The following CNTN6 variants were observed in gnomAD, a reference collection of about 807,000 sequenced individuals.
CNTN6 encodes contactin 6.
In CNTN6, 137 loss-of-function variants were observed where a neutral mutation model predicts 122.8. The observed-to-expected ratio is 1.12, with a 90% CI of 0.97 to 1.29. CNTN6 has a LOEUF of 1.29. Ranked by LOEUF, CNTN6 falls within the 50% of genes most tolerant of loss-of-function variation. The pLI is 0.00. For synonymous variants in CNTN6, 570 were observed against 426.0 expected, an observed-to-expected ratio of 1.34 and a Z score of -4.16; for missense variants, 1,634 against 1,223.4, an observed-to-expected ratio of 1.34 and a Z score of -5.01.
intron 6 of CNTN6, among the ~76,000 whole-genome samples, chr3:1,296,669 G>A (rs897248112): frequency 3.3e-5 from 5 of 152,074 alleles, no homozygotes; most frequent in African/African-American, 1.2e-4. Flanking sequence ...CATAGAAGGA[G>A]TTCTTATAAT....
chr3:1,095,157 T>C (rs2090454703), intron 1 of CNTN6, among the ~76,000 whole-genome samples: 1 of 144,654 alleles, frequency 6.9e-6, no homozygotes, highest in Non-Finnish European at 1.5e-5. Flanking sequence ...AAGAATGAGA[T>C]CTTATCCTAC....
intron 4 of CNTN6, among the ~76,000 whole-genome samples, chr3:1,257,608 A>T (rs1285356963): frequency 1.3e-5 from 2 of 152,106 alleles, no homozygotes; most frequent in Non-Finnish European, 2.9e-5. Context: ...GACAGAGCCC[A>T]TTTTCTACTT....
chr3:1,293,481 G>T (rs1695676544), intron 5 of CNTN6, among the ~76,000 whole-genome samples: 1 of 152,122 alleles, frequency 6.6e-6, no homozygotes, highest in African/African-American at 2.4e-5. Context: ...GGTTAGTGAA[G>T]AATGTTTCAG....
intron 1 of CNTN6, among the ~76,000 whole-genome samples, chr3:1,134,050 A>G (rs1195780434): frequency 2.6e-5 from 4 of 152,134 alleles, no homozygotes; most frequent in Non-Finnish European, 5.9e-5. Context: ...GTAGCTAACA[A>G]TAATACTGTG....
chr3:1,353,225 C>G (rs963467338), intron 12 of CNTN6, among the ~76,000 whole-genome samples: 2 of 151,698 alleles, frequency 1.3e-5, no homozygotes, highest in Non-Finnish European at 3.0e-5. Context: ...AAATGGCTCT[C>G]TTGATAAAGC....
At chr3:1,334,618 G>A (rs1314676396) in intron 11 of CNTN6, among the ~76,000 whole-genome samples, 8 of 151,908 alleles carry the variant, frequency 5.3e-5, no homozygotes, top group South Asian at 2.1e-4. Context: ...AGCCAAACAC[G>A]GCAATTGCTG....
At chr3:1,308,306 TG>T (rs1411843537) in intron 7 of CNTN6, among the ~76,000 whole-genome samples, 1 of 151,620 alleles carries the variant, frequency 6.6e-6, no homozygotes, top group Non-Finnish European at 1.5e-5. Flanking sequence ...TGTGTGTGTG[TG>T]TGTGTGTGTG....
At chr3:1,241,903 G>A (rs2094490718) in intron 4 of CNTN6, among the ~76,000 whole-genome samples, 2 of 152,202 alleles carry the variant, frequency 1.3e-5, no homozygotes, top group South Asian at 2.1e-4. Context: ...ACGCAGACAT[G>A]AGGGCTAGGC....
intron 12 of CNTN6, among the ~76,000 whole-genome samples, chr3:1,360,580 A>G (rs765736978): frequency 1.3e-5 from 2 of 151,844 alleles, no homozygotes; most frequent in South Asian, 4.1e-4. Flanking sequence ...TATATATTCT[A>G]TATACATGTA....
chr3:1,195,877 A>G (rs1001588526), intron 2 of CNTN6, among the ~76,000 whole-genome samples: 8 of 152,126 alleles, frequency 5.3e-5, no homozygotes, highest in African/African-American at 1.9e-4. Flanking sequence ...CCTGTACCAG[A>G]TATCTCTGCA....
chr3:1,129,632 C>A (rs1367606902), intron 1 of CNTN6, among the ~76,000 whole-genome samples: 1 of 152,030 alleles, frequency 6.6e-6, no homozygotes, highest in Non-Finnish European at 1.5e-5. Context: ...TTCTAATATG[C>A]AAAGTGCTAT....
rs1575544761 is a variant in CNTN6 at position 1,282,263 on chromosome 3, C to A, written c.454+3755C>A. 5.1e-5 allele frequency among the ~76,000 whole-genome samples: 7 copies of A among 136,010 alleles called. 1 individual carries two copies. In the Admixed American group the frequency reaches 5.5e-4, roughly 11 times the overall value. The allele number at this position is 136,010 out of a possible 152,430, so 89.2% of individuals were successfully genotyped here. A position where few individuals can be genotyped will look rare whatever the true frequency, so the allele number is the denominator to read the frequency against. On this transcript the variant is annotated intron_variant, in intron 5 of 22. Transcript: ENST00000446702. ...CTCCAGCATAGGCCTTCTGTGGATG[C>A]TTTCCACCCAGTTTTGAAGCACAGA...
chr3:1,382,907 G>T (rs1472520533), intron 17 of CNTN6, 35 bp from the exon 18 acceptor site: 1 of 1,380,506 alleles, frequency 7.2e-7, no homozygotes, highest in Admixed American at 1.8e-5. Context: ...AAATATTTTT[G>T]CAAATACTCA....
chr3:1,257,176 A>G (rs570090175), intron 4 of CNTN6, among the ~76,000 whole-genome samples: 1 of 152,210 alleles, frequency 6.6e-6, no homozygotes, highest in South Asian at 2.1e-4. Context: ...TTATTTTGTA[A>G]ATTTCCTAAA....
chr3:1,261,216 G>T (rs2094841068), intron 4 of CNTN6, among the ~76,000 whole-genome samples: 1 of 152,084 alleles, frequency 6.6e-6, no homozygotes, highest in South Asian at 2.1e-4. Context: ...AATCTCTTTG[G>T]CTTTCTGTGA....
rs551454397 is a variant in CNTN6, at chr3:1,126,485, T to G, written c.-82-21442T>G. On this transcript the variant is annotated intron_variant, in intron 1 of 22. Transcript: ENST00000446702. ...CCAATCTCATTATACCCCAGGTCAC[T>G]GTCTTATTATCACATTTATTCCCCT... 8.6e-5 allele frequency among the ~76,000 whole-genome samples: 13 copies of G among 151,924 alleles called. No individual in the cohort carries two copies. The South Asian group carries it at 2.5e-3, about 29-fold the overall frequency.
At chr3:1,276,958 G>A (rs1692483302) in intron 4 of CNTN6, among the ~76,000 whole-genome samples, 1 of 152,186 alleles carries the variant, frequency 6.6e-6, no homozygotes, top group South Asian at 2.1e-4. Context: ...TGGCAATTTA[G>A]GTGGGTGTGG....
rs1273281016 is a variant in CNTN6 at position 1,135,213 on chromosome 3, A to G, written c.-82-12714A>G. 6.6e-5 allele frequency among the ~76,000 whole-genome samples: 10 copies of G among 151,966 alleles called. 1 individual carries two copies. The highest frequency in any genetic ancestry group is 9.7e-5 in the African/African-American group (4 of 41,376). On this transcript the variant is annotated intron_variant, in intron 1 of 22. Transcript: ENST00000446702. Reference sequence around the variant, plus strand: ...TTTCTCACTCTTTTTTATTTTTATTATTTCAAAATTCTTGCCTCTCTTTTG... The same window carrying G: ...TTTCTCACTCTTTTTTATTTTTATTGTTTCAAAATTCTTGCCTCTCTTTTG...
intron 2 of CNTN6, among the ~76,000 whole-genome samples, chr3:1,204,194 ACT>A (rs1350712542): frequency 3.9e-5 from 6 of 152,084 alleles, no homozygotes; most frequent in African/African-American, 1.2e-4. Context: ...AGAGAGACAC[ACT>A]CTTATCTCAA....
Sources: gnomAD v4.1 joint callset for allele counts (sites outside exome capture counted in the v4.1 genomes callset) on GRCh38, gnomAD v4.1.1 for gene constraint, MANE v1.5 for transcripts, NCBI Gene and HGNC (gene_info 2026-07-23, HGNC 2026-07-21) for gene names.